TMEM132C: variants seen among roughly 807,000 people sequenced by gnomAD.
TMEM132C encodes transmembrane protein 132C, also known as protein phosphatase 1, regulatory subunit 152.
A neutral mutation model predicts 61.4 loss-of-function variants in TMEM132C; 29 were observed. The ratio of observed to expected loss-of-function variants is 0.47; its 90% CI spans 0.35 to 0.64. The LOEUF (loss-of-function observed/expected upper bound fraction) is 0.64, where lower values mean the gene tolerates loss of function less well. TMEM132C is among the 30% of genes least tolerant of loss of function. TMEM132C has a pLI of 0.00. For missense variants in TMEM132C, 1,408 were observed against 1,476.9 expected, an observed-to-expected ratio of 0.95 and a Z score of 0.76; for synonymous variants, 656 against 633.1, an observed-to-expected ratio of 1.04 and a Z score of -0.54.
At chr12:128,328,901 C>T (rs1872600229) in intron 1 of TMEM132C, among the ~76,000 whole-genome samples, 1 of 151,316 alleles carries the variant, frequency 6.6e-6, no homozygotes, top group Non-Finnish European at 1.5e-5. Flanking sequence ...CGGACTCTGG[C>T]TTAAGATTTG....
intron 2 of TMEM132C, among the ~76,000 whole-genome samples, chr12:128,439,928 G>C (rs138080801): frequency 5.3e-4 from 81 of 152,282 alleles, no homozygotes; most frequent in African/African-American, 1.9e-3. Flanking sequence ...ACCCTTGAGG[G>C]ACCATTTCAC....
chr12:128,466,508 T>C (rs1002868957), intron 2 of TMEM132C, among the ~76,000 whole-genome samples: 5 of 152,176 alleles, frequency 3.3e-5, no homozygotes, highest in Admixed American at 6.5e-5. Flanking sequence ...TCATGACTTT[T>C]TTGCACCTGG....
Position 128,622,363 on chromosome 12 carries a change from ATATATATATAT to A in TMEM132C, c.1305+6029_1305+6039del, listed in dbSNP as rs1953975867. 3.3e-3 allele frequency among the ~76,000 whole-genome samples: 186 copies of A among 56,746 alleles called. 5 individuals carry two copies. The highest frequency in any genetic ancestry group is 4.6e-3 in the Non-Finnish European group (142 of 30,616). The allele number at this position is 56,746 out of a possible 152,430, so 37.2% of individuals were successfully genotyped here. On this transcript the variant is annotated intron_variant, in intron 4 of 8. Transcript: ENST00000435159. ...TGTCTCAAAAAAAAAAAAAAAAAAT[ATATATATATAT>A]ATATATATATATATATATATATATA...
intron 1 of TMEM132C, among the ~76,000 whole-genome samples, chr12:128,358,434 A>C (rs1357760363): frequency 6.6e-6 from 1 of 151,958 alleles, no homozygotes. Flanking sequence ...TTTCACTAAA[A>C]ATAGCAGTAG....
chr12:128,689,346 T>C (rs1003206776), intron 5 of TMEM132C, among the ~76,000 whole-genome samples: 16 of 152,218 alleles, frequency 1.1e-4, no homozygotes, highest in Non-Finnish European at 1.5e-4. Context: ...TATGCTATTA[T>C]TAACTATATT....
chr12:128,424,046 C>CAAAAAAAAAAAAAA, intron 2 of TMEM132C, among the ~76,000 whole-genome samples: 1 of 72,782 alleles, frequency 1.4e-5, no homozygotes, highest in Non-Finnish European at 2.3e-5. Flanking sequence ...GACTCTGTCT[C>CAAAAAAAAAAAAAA]AAAAAAAAAA....
chr12:128,674,054 A>T (rs995640765), intron 5 of TMEM132C, among the ~76,000 whole-genome samples: 1 of 152,220 alleles, frequency 6.6e-6, no homozygotes, highest in Non-Finnish European at 1.5e-5. Context: ...TTAGTAAATT[A>T]TACTAAGTTT....
At chr12:128,524,474 C>A (rs964156268) in intron 2 of TMEM132C, among the ~76,000 whole-genome samples, 2 of 152,142 alleles carry the variant, frequency 1.3e-5, no homozygotes, top group African/African-American at 4.8e-5. Context: ...ATTTATGGCC[C>A]TGGGTATTAC....
rs998330626 is a variant in TMEM132C, at chr12:128,278,267, A to G, written c.85+10780A>G. On this transcript the variant is annotated intron_variant, in intron 1 of 8. Coordinates refer to ENST00000435159, the MANE Select transcript of TMEM132C (RefSeq NM_001136103.3). This position sits in a 1 kb window ranked among gnomAD's most constrained non-coding sequence, Gnocchi z 4.2. ...AAATGGCAATAGGTTCTTATCTTCA[A>G]TTTTTGTAAACCTTTTGGGTCACGA... Among the ~76,000 whole-genome samples the G allele has an allele frequency of 6.6e-6, 1 of 152,026 alleles. No homozygotes were observed. The highest frequency in any genetic ancestry group is 1.5e-5 in the Non-Finnish European group (1 of 68,008).
chr12:128,613,567 C>CCTAA (rs1876705800), intron 3 of TMEM132C, among the ~76,000 whole-genome samples: 1 of 152,152 alleles, frequency 6.6e-6, no homozygotes, highest in Non-Finnish European at 1.5e-5. Flanking sequence ...GATTTGCAGC[C>CCTAA]CCTAGCTTGA....
intron 3 of TMEM132C, among the ~76,000 whole-genome samples, chr12:128,564,496 C>A (rs1565975670): frequency 6.6e-6 from 1 of 152,192 alleles, no homozygotes; most frequent in Non-Finnish European, 1.5e-5. Flanking sequence ...TATGCCCACC[C>A]CGTGCTGCTT....
intron 2 of TMEM132C, among the ~76,000 whole-genome samples, chr12:128,502,997 AAT>A (rs1174400665): frequency 6.6e-6 from 1 of 152,240 alleles, no homozygotes; most frequent in African/African-American, 2.4e-5. Flanking sequence ...AGGCTGGGAT[AAT>A]AGCTGTGCCA....
At chr12:128,320,593 T>C (rs1872299603) in intron 1 of TMEM132C, among the ~76,000 whole-genome samples, 1 of 151,960 alleles carries the variant, frequency 6.6e-6, no homozygotes, top group Non-Finnish European at 1.5e-5. Context: ...TGGTAAGACC[T>C]CATCTCTACA....
chr12:128,696,147 T>G, intron 7 of TMEM132C, 44 bp downstream of exon 7: 4 of 1,533,684 alleles, frequency 2.6e-6, no homozygotes, highest in Non-Finnish European at 2.6e-6. Flanking sequence ...TGGGCATGTG[T>G]GCAGTGTTGA....
rs144400198 is a variant in TMEM132C at position 128,326,346 on chromosome 12, A to G, written c.85+58859A>G. Among the ~76,000 whole-genome samples the G allele has an allele frequency of 3.8e-3, 582 of 152,308 alleles. 6 individuals are homozygous for G. The highest frequency in any genetic ancestry group is 0.013 in the African/African-American group (552 of 41,570). ...TATGAGAGTGTTGTTTTCCAAGTGT[A>G]GCAGGGTTTCACTTTTCGAGCTGCC... On this transcript the variant is annotated intron_variant, in intron 1 of 8. Transcript: ENST00000435159. This position sits in a 1 kb window ranked among gnomAD's most constrained non-coding sequence, Gnocchi z 5.6.
At chr12:128,327,029 T>G (rs1251428413) in intron 1 of TMEM132C, among the ~76,000 whole-genome samples, 1 of 149,966 alleles carries the variant, frequency 6.7e-6, no homozygotes, top group African/African-American at 2.5e-5. Flanking sequence ...CCTTTTTGTC[T>G]GTGTGCAGAT....
chr12:128,462,783 A>G (rs1870583106), intron 2 of TMEM132C, among the ~76,000 whole-genome samples: 1 of 152,222 alleles, frequency 6.6e-6, no homozygotes, highest in South Asian at 2.1e-4. Context: ...GAAGGTCTGT[A>G]ATACCTATTT....
At chr12:128,476,137 G>A (rs557319745) in intron 2 of TMEM132C, among the ~76,000 whole-genome samples, 4 of 152,262 alleles carry the variant, frequency 2.6e-5, no homozygotes, top group South Asian at 2.1e-4. Flanking sequence ...GATCATCCCT[G>A]CATTCTCCTC....
chr12:128,469,640 T>TTGTGTG (rs745661735), intron 2 of TMEM132C, among the ~76,000 whole-genome samples: 5 of 146,598 alleles, frequency 3.4e-5, no homozygotes, highest in Non-Finnish European at 6.0e-5. Flanking sequence ...GTGTGTGTGT[T>TTGTGTG]TGTGTGTGTG....
Sources: gnomAD v4.1 joint callset for allele counts (sites outside exome capture counted in the v4.1 genomes callset) on GRCh38, gnomAD v4.1.1 for gene constraint, Gnocchi (gnomAD v3.1) non-coding constraint, MANE v1.5 for transcripts, NCBI Gene and HGNC (gene_info 2026-07-23, HGNC 2026-07-21) for gene names.